The following ARHGAP24 variants were observed in gnomAD, a reference collection of about 807,000 sequenced individuals.
ARHGAP24 encodes the protein Rho GTPase activating protein 24, also known as rho GTPase-activating protein 24.
In ARHGAP24, 50 loss-of-function variants were observed where a neutral mutation model predicts 76.4. The ratio of observed to expected loss-of-function variants is 0.65; its 90% CI spans 0.52 to 0.83. The LOEUF is 0.83. ARHGAP24 is among the 40% of genes least tolerant of loss of function. The pLI, the probability that ARHGAP24 is intolerant of heterozygous loss-of-function variation, is 0.00. For synonymous variants in ARHGAP24, 345 were observed against 323.3 expected (o/e 1.07, Z -0.72); for missense variants, 930 against 914.2 (o/e 1.02, Z -0.22).
chr4:85,704,135 T>C (rs1724209255), intron 2 of ARHGAP24, among the ~76,000 whole-genome samples: 1 of 152,224 alleles, frequency 6.6e-6, no homozygotes, highest in Non-Finnish European at 1.5e-5. Flanking sequence ...AGAGTAGTAT[T>C]CAATTCAATT....
chr4:85,596,692 A>C (rs1719847099), intron 2 of ARHGAP24, among the ~76,000 whole-genome samples: 1 of 152,084 alleles, frequency 6.6e-6, no homozygotes, highest in Non-Finnish European at 1.5e-5. Context: ...ACTCTTCTGA[A>C]ATACAAATGG....
chr4:85,682,262 A>G (rs532423903), intron 2 of ARHGAP24, among the ~76,000 whole-genome samples: 1 of 152,344 alleles, frequency 6.6e-6, no homozygotes, highest in African/African-American at 2.4e-5. Context: ...GATTATTTAT[A>G]TTGTGTGACT....
chr4:85,664,674 A>C (rs1269467362), intron 2 of ARHGAP24, among the ~76,000 whole-genome samples: 1 of 149,362 alleles, frequency 6.7e-6, no homozygotes, highest in Non-Finnish European at 1.5e-5. Flanking sequence ...CCCTCTACAC[A>C]CTGCTTTGAA....
rs570966355 is a variant in ARHGAP24, at chr4:85,984,984, G to C, written c.928+7293G>C. The stretch of plus-strand genomic sequence containing the variant: ...TTATAGGCACCTGCGACCACACCCA[G>C]CTAATTTTTGTATTTTTAGTAGAGA... On this transcript the variant is annotated intron_variant, in intron 8 of 9. Coordinates refer to ENST00000395184, the MANE Select transcript of ARHGAP24 (RefSeq NM_001025616.3). 8.9e-4 allele frequency among the ~76,000 whole-genome samples: 135 copies of C among 152,042 alleles called. 2 individuals carry two copies. The highest frequency in any genetic ancestry group is 1.7e-3 in the Non-Finnish European group (114 of 67,988).
At chr4:85,596,778 A>G (rs1458189066) in intron 2 of ARHGAP24, among the ~76,000 whole-genome samples, 1 of 152,124 alleles carries the variant, frequency 6.6e-6, no homozygotes, top group Non-Finnish European at 1.5e-5. Flanking sequence ...AGAAGCTATT[A>G]CATCATTTGA....
chr4:85,766,647 TA>T (rs902891467), intron 3 of ARHGAP24, among the ~76,000 whole-genome samples: 1 of 151,994 alleles, frequency 6.6e-6, no homozygotes, highest in Non-Finnish European at 1.5e-5. Flanking sequence ...AAACAGCATG[TA>T]AAAAAACAGA....
chr4:85,731,021 CACACACAG>C (rs141246977), intron 3 of ARHGAP24, among the ~76,000 whole-genome samples: 22,689 of 141,344 alleles, frequency 0.16, 2,022 homozygotes, highest in East Asian at 0.36. Flanking sequence ...CACACACACA[CACACACAG>C]AGAGAGAGAC....
intron 2 of ARHGAP24, among the ~76,000 whole-genome samples, chr4:85,587,072 T>C (rs1727891019): frequency 6.6e-6 from 1 of 152,142 alleles, no homozygotes; most frequent in South Asian, 2.1e-4. Flanking sequence ...AAATGGTAGA[T>C]TGATGAATTC....
chr4:85,941,770 C>T (rs758231867), intron 4 of ARHGAP24, among the ~76,000 whole-genome samples: 1 of 152,162 alleles, frequency 6.6e-6, no homozygotes, highest in Non-Finnish European at 1.5e-5. Flanking sequence ...AAACCCCAAA[C>T]TCAAGTTACA....
chr4:85,958,940 C>A (rs527794041), intron 5 of ARHGAP24, among the ~76,000 whole-genome samples: 4 of 152,156 alleles, frequency 2.6e-5, no homozygotes, highest in Non-Finnish European at 5.9e-5. Context: ...CCAGCTTTCA[C>A]TTAACATAAT....
intron 1 of ARHGAP24, among the ~76,000 whole-genome samples, chr4:85,498,088 T>C (rs748822011): frequency 2.6e-5 from 4 of 152,208 alleles, no homozygotes; most frequent in African/African-American, 4.8e-5. Flanking sequence ...AAGCTAATAG[T>C]TTATTTTCTT....
At chr4:85,703,989 T>A (rs1041719442) in intron 2 of ARHGAP24, among the ~76,000 whole-genome samples, 11 of 152,192 alleles carry the variant, frequency 7.2e-5, no homozygotes, top group African/African-American at 2.7e-4. Flanking sequence ...TCCCTGAAGT[T>A]TTATCTTTGC....
chr4:85,497,697 A>G (rs1485941849), intron 1 of ARHGAP24, among the ~76,000 whole-genome samples: 1 of 152,130 alleles, frequency 6.6e-6, no homozygotes, highest in African/African-American at 2.4e-5. Flanking sequence ...GTGCAGGCCT[A>G]TAATCCTAGC....
At chr4:85,593,536 C>T (rs1372247867) in intron 2 of ARHGAP24, among the ~76,000 whole-genome samples, 1 of 152,134 alleles carries the variant, frequency 6.6e-6, no homozygotes, top group Non-Finnish European at 1.5e-5. Context: ...TTGCCCAGTC[C>T]AATGTCCTGG....
chr4:85,608,475 C>T (rs1429289638), intron 2 of ARHGAP24, among the ~76,000 whole-genome samples: 2 of 150,376 alleles, frequency 1.3e-5, no homozygotes, highest in Non-Finnish European at 3.0e-5. Flanking sequence ...TAAACATAAA[C>T]AATAGTGTTC....
chr4:86,000,646 A>C lies in ARHGAP24; in HGVS notation c.2171A>C (p.Gln724Pro), dbSNP rs770231816. The change falls in exon 10 of 10, where the codon CAG (glutamine) becomes CCG (proline). Residue 724 changes from glutamine (Q) to proline (P), a missense_variant. By Grantham distance (76) the Gln-to-Pro change is moderately conservative. Coordinates refer to ENST00000395184, the MANE Select transcript of ARHGAP24 (RefSeq NM_001025616.3). ...GACATGCTACAGAAAGAAATGGAGC[A>C]GTTTTTTTCCACGTTTGGAGAACTG... ...RNDMLQKEMEQFFSTFGELTV... is the reference protein window; with the variant it reads ...RNDMLQKEMEPFFSTFGELTV... 1 of 1,614,074 alleles carries C rather than the reference A, an allele frequency of 6.2e-7. No homozygotes were observed. Among genetic ancestry groups the C allele is most frequent in the East Asian group, 2.2e-5 (1 of 44,866 alleles).
chr4:85,872,029 A>C lies in ARHGAP24; in HGVS notation c.269-51619A>C, dbSNP rs180796323. ...AAGATCTAGTGTGCACCATATATTAAGTCTCACTTATCAATGTACCCACAG... is the reference window on the plus strand; with the variant it reads ...AAGATCTAGTGTGCACCATATATTACGTCTCACTTATCAATGTACCCACAG... On this transcript the variant is annotated intron_variant, in intron 3 of 9. Transcript: ENST00000395184. Among the ~76,000 whole-genome samples, 9 of 151,742 alleles carry C rather than the reference A, an allele frequency of 5.9e-5. No individual in the cohort carries two copies. In the East Asian group the frequency reaches 1.7e-3, roughly 29 times the overall value.
chr4:85,894,445 C>G lies in ARHGAP24; in HGVS notation c.269-29203C>G, dbSNP rs140723701. 1.8e-3 allele frequency among the ~76,000 whole-genome samples: 278 copies of G among 152,312 alleles called. 1 individual carries two copies. The highest frequency in any genetic ancestry group is 6.4e-3 in the African/African-American group (267 of 41,570). ...GAAAAAGGTGTATAGTCAACTCTCTCTTCTCCTCTACAGCTTAATTCTTCT... is the reference window on the plus strand; with the variant it reads ...GAAAAAGGTGTATAGTCAACTCTCTGTTCTCCTCTACAGCTTAATTCTTCT... On this transcript the variant is annotated intron_variant, in intron 3 of 9. Transcript: ENST00000395184.
Position 85,898,415 on chromosome 4 carries a change from G to A in ARHGAP24, c.269-25233G>A, listed in dbSNP as rs528704701. 1.1e-4 allele frequency among the ~76,000 whole-genome samples: 17 copies of A among 152,186 alleles called. No individual in the cohort carries two copies. In the South Asian group the frequency reaches 3.1e-3, roughly 28 times the overall value. On this transcript the variant is annotated intron_variant, in intron 3 of 9. Coordinates refer to ENST00000395184, the MANE Select transcript of ARHGAP24 (RefSeq NM_001025616.3). ...AGGGTGCATACAGGCTCTTAGACAC[G>A]TATTTATATCCATACTCTTCATTGA...
Sources: gnomAD v4.1 joint callset for allele counts (sites outside exome capture counted in the v4.1 genomes callset) on GRCh38, gnomAD v4.1.1 for gene constraint, MANE v1.5 for transcripts, NCBI Gene and HGNC (gene_info 2026-07-23, HGNC 2026-07-21) for gene names.